ARHGAP6: variants seen among roughly 807,000 people sequenced by gnomAD.
The protein encoded by ARHGAP6 is Rho GTPase activating protein 6.
A neutral mutation model predicts 55.7 loss-of-function variants in ARHGAP6; 16 were observed. The observed-to-expected ratio is 0.29, with a 90% CI of 0.19 to 0.44. The LOEUF is 0.44. Ranked by LOEUF, ARHGAP6 falls within the 20% of genes least tolerant of loss-of-function variation. ARHGAP6 has a pLI of 1.00. For synonymous variants in ARHGAP6, 382 were observed against 360.9 expected (o/e 1.06, Z -0.66); for missense variants, 698 against 808.9 (o/e 0.86, Z 1.66).
chrX:11,605,779 T>G (rs1028379873), intron 1 of ARHGAP6, among the ~76,000 whole-genome samples: 4 of 110,203 alleles, frequency 3.6e-5, no homozygotes, highest in African/African-American at 1.3e-4. Context: ...CAGCCTCACA[T>G]CAGCCCCCAA....
intron 6 of ARHGAP6, among the ~76,000 whole-genome samples, chrX:11,180,513 T>C (rs1228787779): frequency 9.0e-6 from 1 of 111,076 alleles, no homozygotes; most frequent in Non-Finnish European, 1.9e-5. Context: ...ACTCTTAACA[T>C]TGTGGCTAGT....
chrX:11,618,987 C>G (rs1283401352), intron 1 of ARHGAP6, among the ~76,000 whole-genome samples: 1 of 110,735 alleles, frequency 9.0e-6, no homozygotes, highest in Non-Finnish European at 1.9e-5. Flanking sequence ...AGCTGGAGAG[C>G]TAAATCTTTA....
chrX:11,268,634 G>A (rs2047655708), intron 1 of ARHGAP6, among the ~76,000 whole-genome samples: 1 of 111,560 alleles, frequency 9.0e-6, no homozygotes, highest in South Asian at 3.8e-4. Flanking sequence ...CAGAGGAAGT[G>A]ACAAGCTTCA....
At chrX:11,587,927 G>A (rs906790045) in intron 1 of ARHGAP6, among the ~76,000 whole-genome samples, 3 of 112,364 alleles carry the variant, frequency 2.7e-5, no homozygotes, top group African/African-American at 9.7e-5. Context: ...AGAGTATGAT[G>A]GTTTCAGTGG....
At chrX:11,144,389 C>T in intron 10 of ARHGAP6, 141 bp from the exon 11 acceptor site, 1 of 836,744 alleles carries the variant, frequency 1.2e-6, no homozygotes, top group Non-Finnish European at 1.7e-6. Context: ...GAGCAATGTT[C>T]CAAGACATGT....
chrX:11,396,180 G>C (rs746666989), intron 1 of ARHGAP6, among the ~76,000 whole-genome samples: 4 of 110,477 alleles, frequency 3.6e-5, no homozygotes, highest in African/African-American at 9.9e-5. Context: ...ATCACCATAG[G>C]CTACCTTGAG....
At chrX:11,206,573 T>C (rs1416174602) in intron 2 of ARHGAP6, among the ~76,000 whole-genome samples, 3 of 112,075 alleles carry the variant, frequency 2.7e-5, no homozygotes, top group Non-Finnish European at 5.6e-5. Context: ...TTATCTTCCG[T>C]TAGTAGTATG....
At chrX:11,315,390 A>T (rs1373108410) in intron 1 of ARHGAP6, among the ~76,000 whole-genome samples, 1 of 112,147 alleles carries the variant, frequency 8.9e-6, no homozygotes, top group East Asian at 2.8e-4. Flanking sequence ...ACTCTAATGA[A>T]TGCCACCACT....
intron 1 of ARHGAP6, among the ~76,000 whole-genome samples, chrX:11,430,701 TTTGTTCAC>T (rs1274273802): frequency 1.8e-5 from 2 of 112,762 alleles, no homozygotes; most frequent in African/African-American, 6.4e-5. Context: ...TCCCATGTTA[TTTGTTCAC>T]TTGGTCATTA....
chrX:11,326,270 A>C (rs760952907), intron 1 of ARHGAP6, among the ~76,000 whole-genome samples: 4 of 109,689 alleles, frequency 3.6e-5, no homozygotes, highest in Non-Finnish European at 7.6e-5. Flanking sequence ...CTGGGATTAC[A>C]GGCATGCACC....
chrX:11,630,396 A>G (rs989895092), intron 1 of ARHGAP6, among the ~76,000 whole-genome samples: 2 of 112,221 alleles, frequency 1.8e-5, no homozygotes, highest in African/African-American at 3.2e-5. Context: ...TATGAAACAT[A>G]TAGACATCAA....
chrX:11,344,532 G>C (rs979776454), intron 1 of ARHGAP6, among the ~76,000 whole-genome samples: 2 of 108,349 alleles, frequency 1.8e-5, no homozygotes, highest in African/African-American at 6.7e-5. Context: ...AAAATTAGCT[G>C]GGCATGGTGG....
intron 2 of ARHGAP6, among the ~76,000 whole-genome samples, chrX:11,211,787 C>T (rs1341872455): frequency 8.9e-6 from 1 of 111,905 alleles, no homozygotes; most frequent in African/African-American, 3.3e-5. Flanking sequence ...GTGATCCACC[C>T]ACCTTGGCCT....
chrX:11,559,868 C>T (rs1345047619), intron 1 of ARHGAP6, among the ~76,000 whole-genome samples: 1 of 108,055 alleles, frequency 9.3e-6, no homozygotes, highest in Non-Finnish European at 1.9e-5. Flanking sequence ...GCGGAGCTTG[C>T]AGTGAGCCGA....
intron 1 of ARHGAP6, among the ~76,000 whole-genome samples, chrX:11,360,069 C>T (rs1363543232): frequency 9.0e-6 from 1 of 111,552 alleles, no homozygotes; most frequent in Admixed American, 9.5e-5. Context: ...CCGAATTCTA[C>T]CAGAGGTACA....
intron 1 of ARHGAP6, among the ~76,000 whole-genome samples, chrX:11,653,810 C>T (rs918220974): frequency 2.7e-5 from 3 of 111,967 alleles, no homozygotes; most frequent in African/African-American, 9.7e-5. Context: ...AACCGATTCA[C>T]TTCATTTTCT....
At chrX:11,224,784 T>C (rs1489871736) in intron 2 of ARHGAP6, among the ~76,000 whole-genome samples, 12 of 110,658 alleles carry the variant, frequency 1.1e-4, no homozygotes, top group African/African-American at 4.0e-4. Flanking sequence ...TCCCTACAGA[T>C]TCCTGAGCTG....
chrX:11,199,617 A>T lies in ARHGAP6; in HGVS notation c.749-2621T>A, dbSNP rs1009017069. On this transcript the variant is annotated intron_variant, in intron 2 of 12. Coordinates refer to ENST00000337414, the MANE Select transcript of ARHGAP6 (RefSeq NM_013427.3). The stretch of plus-strand genomic sequence containing the variant: ...TAGTTTTGCTCATTTGTATTCCCAC[A>T]AATATGAGAGTTTACATAATCTCAC... Among the ~76,000 whole-genome samples, 3 of 112,596 alleles carry T rather than the reference A, an allele frequency of 2.7e-5. No homozygotes were observed. In the Admixed American group the frequency reaches 2.8e-4, roughly 11 times the overall value.
intron 1 of ARHGAP6, among the ~76,000 whole-genome samples, chrX:11,605,174 T>A (rs1338798719): frequency 9.0e-6 from 1 of 111,366 alleles, no homozygotes; most frequent in Non-Finnish European, 1.9e-5. Context: ...GACGCAATGT[T>A]CTCCATTTGG....
Sources: gnomAD v4.1 joint callset for allele counts (sites outside exome capture counted in the v4.1 genomes callset) on GRCh38, gnomAD v4.1.1 for gene constraint, MANE v1.5 for transcripts, NCBI Gene and HGNC (gene_info 2026-07-23, HGNC 2026-07-21) for gene names.